The following CX3CR1 variants were observed in gnomAD, a reference collection of about 807,000 sequenced individuals.
CX3CR1 encodes CX3C chemokine receptor 1.
For synonymous variants in CX3CR1, 168 were observed against 178.5 expected, an observed-to-expected ratio of 0.94 and a Z score of 0.47; for missense variants, 363 against 432.4, an observed-to-expected ratio of 0.84 and a Z score of 1.42.
At chr3:39,272,755 G>C (rs1450561321) in intron 1 of CX3CR1, among the ~76,000 whole-genome samples, 1 of 152,198 alleles carries the variant, frequency 6.6e-6, no homozygotes, top group Non-Finnish European at 1.5e-5. Flanking sequence ...TACCAAATGA[G>C]AGTAGAGAAT....
chr3:39,273,024 A>C (rs950573454), intron 1 of CX3CR1, among the ~76,000 whole-genome samples: 1 of 152,266 alleles, frequency 6.6e-6, no homozygotes, highest in Non-Finnish European at 1.5e-5. Flanking sequence ...TCAAGGAAGC[A>C]AAAGAGCCAG....
At chr3:39,273,524 A>G (rs912118818) in intron 1 of CX3CR1, among the ~76,000 whole-genome samples, 3 of 152,240 alleles carry the variant, frequency 2.0e-5, no homozygotes, top group Non-Finnish European at 2.9e-5. Flanking sequence ...GACCCTGGGC[A>G]GGTCACTCTG....
intron 1 of CX3CR1, among the ~76,000 whole-genome samples, chr3:39,270,479 CT>C (rs1310527037): frequency 6.6e-6 from 1 of 152,290 alleles, no homozygotes; most frequent in East Asian, 1.9e-4. Context: ...CAGTTTCTAG[CT>C]CTTGGAAACT....
In CX3CR1 at chr3:39,265,180, G is replaced by T; in HGVS notation, c.*262C>A. The stretch of plus-strand genomic sequence containing the variant: ...TCATTTAACTAAACTAGTCTGAGTT[G>T]AATTTTTGTCATCTGCAAACCAAAA... On this transcript the variant is annotated 3_prime_UTR_variant, in exon 2 of 2. Transcript: ENST00000399220. The T allele has an allele frequency of 4.8e-6, 2 of 413,532 alleles. No homozygotes were observed. The highest frequency in any genetic ancestry group is 7.9e-5 in the East Asian group (2 of 25,388). 25.6% of individuals were successfully genotyped at this position (413,532 alleles called of 1,614,324 possible).
upstream of CX3CR1, among the ~76,000 whole-genome samples, chr3:39,280,823 C>G (rs1021601824): frequency 6.6e-6 from 1 of 152,184 alleles, no homozygotes; most frequent in Non-Finnish European, 1.5e-5. Flanking sequence ...CAGCTTGGGG[C>G]GACTGCAACG....
chr3:39,283,794 A>AAAAAAT (rs1491387968), upstream of CX3CR1, among the ~76,000 whole-genome samples: 1 of 58,340 alleles, frequency 1.7e-5, no homozygotes, highest in African/African-American at 5.9e-5. Flanking sequence ...AAAAAAAAAA[A>AAAAAAT]TTATATATAT....
the CX3CR1 span, among the ~76,000 whole-genome samples, chr3:39,291,903 G>A: frequency 7.2e-5 from 11 of 152,308 alleles, no homozygotes; most frequent in Admixed American, 7.2e-4. Flanking sequence ...AGATGCCTTC[G>A]GGGTCTGCAG....
intron 1 of CX3CR1, among the ~76,000 whole-genome samples, chr3:39,274,539 G>T (rs960939485): frequency 2.1e-5 from 3 of 143,736 alleles, no homozygotes; most frequent in Non-Finnish European, 4.5e-5. Context: ...TTAGTGAATT[G>T]CCCCTTTACA....
intron 1 of CX3CR1, among the ~76,000 whole-genome samples, chr3:39,275,944 C>T (rs1049808378): frequency 2.1e-5 from 3 of 144,562 alleles, no homozygotes; most frequent in African/African-American, 7.7e-5. Context: ...AAAAATCTGC[C>T]GTTTGAGCTG....
At chr3:39,287,444 G>T in the CX3CR1 span, 1 of 152,238 alleles carries the variant, frequency 6.6e-6, no homozygotes, top group Non-Finnish European at 1.5e-5. Flanking sequence ...CATTTCACTC[G>T]GTCAATACAC....
upstream of CX3CR1, chr3:39,281,389 T>C: frequency 1.4e-6 from 1 of 698,548 alleles, no homozygotes; most frequent in Admixed American, 3.5e-5. Flanking sequence ...GCCCCTTCCT[T>C]GCCTCTGACT....
At chr3:39,280,967 A>T, upstream of CX3CR1, 3 of 446,270 alleles carry the variant, frequency 6.7e-6, no homozygotes, top group African/African-American at 2.1e-5. Context: ...CACCTTCATT[A>T]AATGGTCTGT....
intron 1 of CX3CR1, 179 bp from the exon 2 acceptor site, chr3:39,266,697 C>G (rs371520749): frequency 1.3e-6 from 1 of 771,936 alleles, no homozygotes; most frequent in Non-Finnish European, 2.4e-6. Context: ...GTGATGAAGA[C>G]TGCAACAGAC....
chr3:39,277,598 G>T (rs1325436970), intron 1 of CX3CR1, among the ~76,000 whole-genome samples: 2 of 152,220 alleles, frequency 1.3e-5, no homozygotes, highest in African/African-American at 4.8e-5. Context: ...GGGAGGAGCA[G>T]TTGGATGCCT....
chr3:39,291,985 A>T, the CX3CR1 span, among the ~76,000 whole-genome samples: 1 of 152,218 alleles, frequency 6.6e-6, no homozygotes, highest in Non-Finnish European at 1.5e-5. Flanking sequence ...GCTGAATGAC[A>T]GGTTCAATGA....
intron 1 of CX3CR1, among the ~76,000 whole-genome samples, chr3:39,267,479 A>G (rs1215200888): frequency 1.3e-5 from 2 of 152,144 alleles, no homozygotes; most frequent in Non-Finnish European, 2.9e-5. Flanking sequence ...CTTAGCAGGT[A>G]TCAGACAGAG....
intron 1 of CX3CR1, among the ~76,000 whole-genome samples, chr3:39,269,925 G>A (rs796526704): frequency 1.2e-4 from 18 of 152,366 alleles, no homozygotes; most frequent in African/African-American, 3.8e-4. Flanking sequence ...GTGACTCTGA[G>A]GAACAGCACT....
rs1206692413 is a variant in CX3CR1 at position 39,266,032 on chromosome 3, C to T, written c.478G>A (p.Val160Met). The change falls in exon 2 of 2, where the codon GTG (valine) becomes ATG (methionine). Residue 160 changes from valine to methionine, a missense_variant. Val to Met is a conservative substitution (Grantham distance 21). Coordinates refer to ENST00000399220, the MANE Select transcript of CX3CR1 (RefSeq NM_001337.4). ...SLGVWAAAIL[V>M]AAPQFMFTKQ... ...GTGAACATGAACTGGGGTGCTGCCA[C>T]CAAAATGGCTGCTGCCCAGACGCCT... 5 of 1,614,186 alleles carry T rather than the reference C, an allele frequency of 3.1e-6. No individual in the cohort carries two copies. Among genetic ancestry groups the T allele is most frequent in the Non-Finnish European group, 3.4e-6 (4 of 1,180,038 alleles).
At chr3:39,291,184 G>A in the CX3CR1 span, among the ~76,000 whole-genome samples, 1 of 151,676 alleles carries the variant, frequency 6.6e-6, no homozygotes, top group Non-Finnish European at 1.5e-5. Flanking sequence ...AGCCTCCCAA[G>A]TAGCTGGGAT....
Sources: gnomAD v4.1 joint callset for allele counts (sites outside exome capture counted in the v4.1 genomes callset) on GRCh38, gnomAD v4.1.1 for gene constraint, MANE v1.5 for transcripts, NCBI Gene and HGNC (gene_info 2026-07-23, HGNC 2026-07-21) for gene names.